ADGRF5: variants seen among roughly 807,000 people sequenced by gnomAD.
The protein encoded by ADGRF5 is adhesion G protein-coupled receptor F5.
ADGRF5 carries 75 observed loss-of-function variants against 132.3 expected under a neutral mutation model. The observed-to-expected ratio is 0.57, with a 90% CI of 0.47 to 0.69. ADGRF5 has a LOEUF of 0.69. Among genes scored for constraint, ADGRF5 ranks in the 30% least tolerant of loss-of-function variants. The probability of loss-of-function intolerance (pLI) is 0.00; values close to 1 mark genes in which losing one functional copy is unlikely to be tolerated. For synonymous variants in ADGRF5, 629 were observed against 597.6 expected (o/e 1.05, Z -0.77); for missense variants, 1,516 against 1,630.6 (o/e 0.93, Z 1.21).
intron 10 of ADGRF5, among the ~76,000 whole-genome samples, chr6:46,876,283 C>T (rs892073482): frequency 3.9e-5 from 6 of 152,348 alleles, no homozygotes; most frequent in South Asian, 2.1e-4. Context: ...TCATTCATCC[C>T]GCTCTAAGCA....
rs1249118169 is a variant in ADGRF5, at chr6:46,865,079, T to A, written c.1953A>T (p.Ser651=). Residue 651 remains serine, a synonymous_variant, in exon 14 of 21, where the codon TCA becomes TCT. Transcript: ENST00000283296. ...TCAGCTTCATAGATGGGCTCCAGACTGAATTATTAGCAGCATTGGTAAAGT... is the reference window on the plus strand; with the variant it reads ...TCAGCTTCATAGATGGGCTCCAGACAGAATTATTAGCAGCATTGGTAAAGT... ...CCHFTNAANN[S]VWSPSMKLNL... is the part of the protein sequence containing the mutation. 8 of 1,610,188 alleles carry A rather than the reference T, an allele frequency of 5.0e-6. No homozygotes were observed. Among genetic ancestry groups the A allele is most frequent in the Non-Finnish European group, 5.9e-6 (7 of 1,176,772 alleles).
At chr6:46,873,985 C>A (rs867069311) in intron 10 of ADGRF5, among the ~76,000 whole-genome samples, 36 of 152,118 alleles carry the variant, frequency 2.4e-4, no homozygotes, top group Admixed American at 2.6e-4. Flanking sequence ...TTGCTCAGAC[C>A]CCATTATCTG....
At position 46,883,471 on chromosome 6, in the gene ADGRF5, G is replaced by A. The variant is rs912801782; in HGVS notation, c.612+88C>T. The stretch of plus-strand genomic sequence containing the variant: ...AAATCCACATCCGTAAATTCTGACA[G>A]ATCCAAGCCATGTTCATTGTGAATG... On this transcript the variant is annotated intron_variant, in intron 6 of 20. Transcript: ENST00000283296. The A allele has an allele frequency of 1.1e-5, 8 of 696,610 alleles. No individual in the cohort carries two copies. The African/African-American group carries it at 1.5e-4, about 13-fold the overall frequency. The allele number at this position is 696,610 out of a possible 1,614,324, so 43.2% of individuals were successfully genotyped here. A position where few individuals can be genotyped will look rare whatever the true frequency, so the allele number is the denominator to read the frequency against.
At chr6:46,871,209 C>A (rs926786366) in intron 11 of ADGRF5, among the ~76,000 whole-genome samples, 5 of 152,070 alleles carry the variant, frequency 3.3e-5, no homozygotes, top group Non-Finnish European at 5.9e-5. Flanking sequence ...GTTTGAATGT[C>A]CTCTTTTTAC....
At chr6:46,953,718 G>A (rs1234117) in intron 1 of ADGRF5, among the ~76,000 whole-genome samples, 64,742 of 127,880 alleles carry the variant, frequency 0.51, 17,482 homozygotes, top group East Asian at 0.66. Flanking sequence ...TATTAGAATT[G>A]CATATTCCCA....
intron 1 of ADGRF5, among the ~76,000 whole-genome samples, chr6:46,938,464 A>G (rs1777931057): frequency 1.3e-5 from 2 of 152,198 alleles, no homozygotes; most frequent in African/African-American, 4.8e-5. Context: ...GAAAAAGGCA[A>G]CAGATTCTGA....
In ADGRF5 at chr6:46,853,550, T is replaced by G. The variant is rs1193777185; in HGVS notation, c.*442A>C. On this transcript the variant is annotated 3_prime_UTR_variant, in exon 21 of 21. Coordinates refer to ENST00000283296, the MANE Select transcript of ADGRF5 (RefSeq NM_001098518.2). The stretch of plus-strand genomic sequence containing the variant: ...TCTCTTTTTCTTCTTTTTCCCTTTC[T>G]CCCTGTTTCCCTCCCTTCTTTCCTT... 3 of 155,018 alleles carry G rather than the reference T, an allele frequency of 1.9e-5. No homozygotes were observed. The highest frequency in any genetic ancestry group is 7.2e-5 in the African/African-American group (3 of 41,460). The allele number at this position is 155,018 out of a possible 1,614,324, so 9.6% of individuals were successfully genotyped here.
chr6:46,883,466 T>C, intron 6 of ADGRF5, 93 bp downstream of exon 6: 1 of 683,330 alleles, frequency 1.5e-6, no homozygotes, highest in South Asian at 1.8e-5. Flanking sequence ...CCGTAAATTC[T>C]GACAGATCCA....
chr6:46,901,330 C>T lies in ADGRF5; in HGVS notation c.103-1247G>A, dbSNP rs141790389. Reference sequence around the variant, plus strand: ...TATTTTCCACTCCAAACTCCTTTCACACTCAATAGAAAAGCCCCATCTCTC... The same window carrying T: ...TATTTTCCACTCCAAACTCCTTTCATACTCAATAGAAAAGCCCCATCTCTC... On this transcript the variant is annotated intron_variant, in intron 2 of 20. Coordinates refer to ENST00000283296, the MANE Select transcript of ADGRF5 (RefSeq NM_001098518.2). 9.2e-5 allele frequency among the ~76,000 whole-genome samples: 14 copies of T among 152,290 alleles called. No individual in the cohort carries two copies. In the East Asian group the frequency reaches 2.7e-3, roughly 29 times the overall value.
intron 1 of ADGRF5, among the ~76,000 whole-genome samples, chr6:46,914,847 TA>T (rs956820300): frequency 2.0e-5 from 3 of 151,828 alleles, no homozygotes; most frequent in African/African-American, 7.3e-5. Context: ...TGTTTGTTTT[TA>T]TTTTTTTTGT....
rs560764751 is a variant in ADGRF5, at chr6:46,930,041, G to T, written c.-24-23255C>A. On this transcript the variant is annotated intron_variant, in intron 1 of 20. Coordinates refer to the ADGRF5 transcript ENST00000265417. ...TCACTATGTTGACCAGGCTGGTCTC[G>T]AACTCCTGACCTCAGGTGATCCACC... Among the ~76,000 whole-genome samples the T allele has an allele frequency of 7.9e-5, 12 of 151,968 alleles. No homozygotes were observed. In the East Asian group the frequency reaches 2.1e-3, roughly 27 times the overall value.
chr6:46,862,734 T>G (rs1769928484), intron 15 of ADGRF5, among the ~76,000 whole-genome samples, 154 bp downstream of exon 15: 1 of 143,918 alleles, frequency 6.9e-6, no homozygotes. Flanking sequence ...TTTTTTGCAT[T>G]TCTAGGGTTG....
At chr6:46,949,236 CAAAGTGAGATTGAAGAA>C (rs1778407145) in intron 1 of ADGRF5, among the ~76,000 whole-genome samples, 1 of 152,130 alleles carries the variant, frequency 6.6e-6, no homozygotes, top group Non-Finnish European at 1.5e-5. Context: ...CCCAGGATCT[CAAAGTGAGATTGAAGAA>C]AGCAAAGGCA....
chr6:46,953,683 A>ATATATATATATATC (rs1778610624), intron 1 of ADGRF5, among the ~76,000 whole-genome samples: 1 of 126,642 alleles, frequency 7.9e-6, no homozygotes, highest in African/African-American at 2.8e-5. Flanking sequence ...ATATATATAT[A>ATATATATATATATC]TATATATCTC....
At chr6:46,889,855 C>T (rs187090772) in intron 3 of ADGRF5, among the ~76,000 whole-genome samples, 1 of 150,992 alleles carries the variant, frequency 6.6e-6, no homozygotes, top group East Asian at 1.9e-4. Flanking sequence ...TTCCCAAGAG[C>T]AGGAACTGTT....
At chr6:46,918,081 T>C (rs1165602542) in intron 1 of ADGRF5, among the ~76,000 whole-genome samples, 2 of 152,372 alleles carry the variant, frequency 1.3e-5, no homozygotes, top group African/African-American at 2.4e-5. Context: ...AGATTTCACG[T>C]TGGCGATTAC....
At chr6:46,936,919 T>C (rs112544344) in intron 1 of ADGRF5, among the ~76,000 whole-genome samples, 1 of 152,258 alleles carries the variant, frequency 6.6e-6, no homozygotes, top group Non-Finnish European at 1.5e-5. Context: ...TAGCCACAGA[T>C]CCTGGGGGAT....
chr6:46,891,097 C>T (rs1461599646), intron 3 of ADGRF5, among the ~76,000 whole-genome samples: 1 of 152,164 alleles, frequency 6.6e-6, no homozygotes, highest in Admixed American at 6.5e-5. Flanking sequence ...AAAGGTCTGT[C>T]GCATATTTTC....
At chr6:46,883,517 A>T (rs1268227973) in intron 6 of ADGRF5, 42 bp downstream of exon 6, 1 of 986,564 alleles carries the variant, frequency 1.0e-6, no homozygotes, top group Non-Finnish European at 1.6e-6. Context: ...AGTTCAGTCC[A>T]AACAGTTTGT....
Sources: allele counts gnomAD v4.1 joint callset (sites outside exome capture counted in the v4.1 genomes callset), GRCh38; gene constraint gnomAD v4.1.1; transcripts MANE v1.5; gene names NCBI Gene and HGNC (gene_info 2026-07-23, HGNC 2026-07-21).